ATP13A4: variants seen among roughly 807,000 people sequenced by gnomAD.
ATP13A4 encodes probable cation-transporting ATPase 13A4.
A neutral mutation model predicts 142.5 loss-of-function variants in ATP13A4; 114 were observed. The observed-to-expected ratio is 0.80, with a 90% CI of 0.69 to 0.93. The LOEUF is 0.93. Among genes scored for constraint, ATP13A4 ranks in the 40% least tolerant of loss-of-function variants. The pLI is 0.00. For synonymous variants in ATP13A4, 488 were observed against 514.8 expected (o/e 0.95, Z 0.70); for missense variants, 1,392 against 1,454.0 (o/e 0.96, Z 0.69).
intron 25 of ATP13A4, among the ~76,000 whole-genome samples, chr3:193,417,895 G>T (rs1159419117): frequency 6.8e-6 from 1 of 147,370 alleles, no homozygotes; most frequent in Non-Finnish European, 1.5e-5. Context: ...GGCCAAGGCG[G>T]GCGGATCACA....
At chr3:193,436,303 G>C (rs573225087) in intron 23 of ATP13A4, among the ~76,000 whole-genome samples, 2 of 152,132 alleles carry the variant, frequency 1.3e-5, no homozygotes, top group Non-Finnish European at 2.9e-5. Context: ...GGCTGGAAAT[G>C]ATGAGCATTT....
At chr3:193,429,058 C>T (rs1453738182) in intron 25 of ATP13A4, among the ~76,000 whole-genome samples, 1 of 151,978 alleles carries the variant, frequency 6.6e-6, no homozygotes, top group Non-Finnish European at 1.5e-5. Context: ...ACTATATGTT[C>T]ACTATTATTA....
chr3:193,421,711 G>T (rs1218016816), intron 25 of ATP13A4, among the ~76,000 whole-genome samples: 2 of 149,870 alleles, frequency 1.3e-5, no homozygotes, highest in African/African-American at 2.5e-5. Context: ...GAGGTTAGTT[G>T]TTTTCAGTGT....
intron 3 of ATP13A4, among the ~76,000 whole-genome samples, chr3:193,496,982 G>A (rs1720273468): frequency 6.6e-6 from 1 of 151,854 alleles, no homozygotes; most frequent in African/African-American, 2.4e-5. Context: ...AAAATATAGG[G>A]GAAACGTTTC....
chr3:193,417,536 A>G (rs1022229619), intron 25 of ATP13A4, among the ~76,000 whole-genome samples: 1 of 152,246 alleles, frequency 6.6e-6, no homozygotes, highest in African/African-American at 2.4e-5. Context: ...TGTCATCTCC[A>G]TAATTACATT....
In ATP13A4 at chr3:193,459,216, G is replaced by A. The variant is rs757303919; in HGVS notation, c.1539C>T (p.His513=). 1.2e-6 allele frequency: 2 copies of A among 1,614,232 alleles called. No individual in the cohort carries two copies. The highest frequency in any genetic ancestry group is 2.2e-5 in the East Asian group (1 of 44,886). Residue 513 remains histidine (H), a synonymous_variant, in exon 14 of 30, where the codon CAC becomes CAT. Transcript: ENST00000342695. ...SCDRNGFQEV[H]SFASGQALPW... ...GCAAAGCCTGGCCTGAGGCAAAGCT[G>A]TGAACTTCCTGAAAGCTTAAGGAGA...
At chr3:193,441,912 T>C (rs1010294217) in intron 19 of ATP13A4, among the ~76,000 whole-genome samples, 8 of 152,190 alleles carry the variant, frequency 5.3e-5, no homozygotes, top group African/African-American at 1.9e-4. Flanking sequence ...AAATGAGAAC[T>C]TACTATTTTT....
chr3:193,406,303 G>A (rs952983452), intron 29 of ATP13A4, among the ~76,000 whole-genome samples: 29 of 152,320 alleles, frequency 1.9e-4, no homozygotes, highest in Admixed American at 1.6e-3. Flanking sequence ...GGAGTAAGCA[G>A]GGAGAGCTCA....
At chr3:193,437,398 C>T (rs1390788244) in intron 23 of ATP13A4, among the ~76,000 whole-genome samples, 1 of 152,108 alleles carries the variant, frequency 6.6e-6, no homozygotes, top group Non-Finnish European at 1.5e-5. Flanking sequence ...TAAATGCCTA[C>T]TCACTAAAGA....
chr3:193,519,428 T>C (rs926753031), intron 1 of ATP13A4, among the ~76,000 whole-genome samples: 1 of 152,106 alleles, frequency 6.6e-6, no homozygotes, highest in African/African-American at 2.4e-5. Context: ...CCACGAGGAC[T>C]CTTTCCATTT....
chr3:193,496,793 AATAC>A (rs1255340727), intron 3 of ATP13A4, among the ~76,000 whole-genome samples: 1 of 130,790 alleles, frequency 7.6e-6, no homozygotes, highest in Admixed American at 8.3e-5. Context: ...TCTGTCTCAA[AATAC>A]ATAAATAAAT....
intron 8 of ATP13A4, among the ~76,000 whole-genome samples, chr3:193,474,705 G>A (rs1478974820): frequency 1.5e-5 from 2 of 132,056 alleles, no homozygotes; most frequent in Non-Finnish European, 3.2e-5. Flanking sequence ...AAAAAAGGAA[G>A]GAAGGAAAGA....
At chr3:193,417,163 C>G (rs978877473) in intron 25 of ATP13A4, 1 of 152,136 alleles carries the variant, frequency 6.6e-6, no homozygotes, top group Non-Finnish European at 1.5e-5. Flanking sequence ...ATTAAGACAT[C>G]CCAGATAAAC....
chr3:193,529,883 T>A (rs898564860), intron 1 of ATP13A4, among the ~76,000 whole-genome samples: 2 of 152,212 alleles, frequency 1.3e-5, no homozygotes, highest in Non-Finnish European at 2.9e-5. Flanking sequence ...GAAATCTTTT[T>A]CATATAATAG....
chr3:193,565,965 G>T (rs1407022746), intron 2 of ATP13A4, among the ~76,000 whole-genome samples: 1 of 152,094 alleles, frequency 6.6e-6, no homozygotes, highest in African/African-American at 2.4e-5. Flanking sequence ...GCTTGTTTCT[G>T]CTCAGCACAG....
At chr3:193,480,866 T>C (rs112530540) in intron 8 of ATP13A4, among the ~76,000 whole-genome samples, 4 of 152,292 alleles carry the variant, frequency 2.6e-5, no homozygotes, top group African/African-American at 7.2e-5. Context: ...TGCAAAACTA[T>C]GGAACAAGCC....
intron 8 of ATP13A4, among the ~76,000 whole-genome samples, chr3:193,476,960 A>G (rs1427332834): frequency 1.3e-5 from 2 of 152,142 alleles, no homozygotes; most frequent in Non-Finnish European, 2.9e-5. Context: ...TTCCAGAGTT[A>G]TCAACACGTG....
At chr3:193,502,725 A>G (rs1345809178) in intron 2 of ATP13A4, 86 bp from the exon 3 acceptor site, 2 of 1,367,396 alleles carry the variant, frequency 1.5e-6, no homozygotes, top group East Asian at 2.3e-5. Flanking sequence ...TTTTAATATA[A>G]TTCTGTAAGT....
intron 29 of ATP13A4, among the ~76,000 whole-genome samples, chr3:193,407,090 C>G (rs767710111): frequency 3.3e-5 from 5 of 152,050 alleles, no homozygotes. Flanking sequence ...CCTTAGAGAC[C>G]ATAATTCCAT....
Sources: gnomAD v4.1 joint callset for allele counts (sites outside exome capture counted in the v4.1 genomes callset) on GRCh38, gnomAD v4.1.1 for gene constraint, MANE v1.5 for transcripts, NCBI Gene and HGNC (gene_info 2026-07-23, HGNC 2026-07-21) for gene names.